Variants in MRPS24 observed in about 807,000 individuals in gnomAD.
MRPS24 encodes the protein small ribosomal subunit protein uS3m.
A neutral mutation model predicts 21.8 loss-of-function variants in MRPS24; 15 were observed. The ratio of observed to expected loss-of-function variants is 0.69; its 90% CI spans 0.46 to 1.06. The LOEUF (loss-of-function observed/expected upper bound fraction) is 1.06, where lower values mean the gene tolerates loss of function less well. MRPS24 is among the 50% of genes least tolerant of loss of function. The probability of loss-of-function intolerance (pLI) is 0.00; values close to 1 mark genes in which losing one functional copy is unlikely to be tolerated. For synonymous variants in MRPS24, 93 were observed against 93.7 expected, an observed-to-expected ratio of 0.99 and a Z score of 0.04; for missense variants, 224 against 219.1, an observed-to-expected ratio of 1.02 and a Z score of -0.14.
rs767937808 is a variant in MRPS24, at chr7:43,869,053, C to A, written c.130G>T (p.Val44Leu). The A allele has an allele frequency of 1.2e-6, 2 of 1,613,302 alleles. No homozygotes were observed. Among genetic ancestry groups the A allele is most frequent in the South Asian group, 1.1e-5 (1 of 91,080 alleles). Residue 44 changes from valine (V) to leucine (L), a missense_variant, in exon 3 of 4, where the codon GTA (valine) becomes TTA (leucine). By Grantham distance (32) the Val-to-Leu change is conservative (BLOSUM62 1). Coordinates refer to ENST00000317534, the MANE Select transcript of MRPS24 (RefSeq NM_032014.3). This position sits in a 1 kb window ranked among gnomAD's most constrained non-coding sequence, Gnocchi z 4.8. ...CAKNRAARVRVSKGDKPVTYE... is the reference protein window; with the variant it reads ...CAKNRAARVRLSKGDKPVTYE... ...GTCACCGGCTTGTCCCCCTTGCTTACGCGTACTCGGGCCGCCCGGTTCTAG... is the reference window on the plus strand; with the variant it reads ...GTCACCGGCTTGTCCCCCTTGCTTAAGCGTACTCGGGCCGCCCGGTTCTAG...
chr7:43,868,831 C>T, intron 3 of MRPS24, 132 bp downstream of exon 3: 2 of 1,152,804 alleles, frequency 1.7e-6, no homozygotes, highest in South Asian at 1.6e-5. Context: ...TTTATGTCTC[C>T]CTTGAGTTGG....
chr7:43,866,828 C>T lies in MRPS24; in HGVS notation c.375G>A (p.Arg125=), dbSNP rs754946402. 11 of 1,614,136 alleles carry T rather than the reference C, an allele frequency of 6.8e-6. No homozygotes were observed. The East Asian group carries it at 1.8e-4, about 26-fold the overall frequency. The change falls in exon 4 of 4, where the codon AGG becomes AGA. Residue 125 remains arginine, a synonymous_variant. Transcript: ENST00000317534. ...AGTAGTACTTGTGTGGAGACAACTG[C>T]CTCAGGACCACGGCACAGATCTCCA... ...NQLEICAVVL[R]QLSPHKYYFL... is the part of the protein sequence containing the mutation.
In MRPS24 at chr7:43,869,113, A is replaced by G. The variant is rs943451213; in HGVS notation, c.109-39T>C. 1.0e-5 allele frequency: 16 copies of G among 1,594,642 alleles called. No individual in the cohort carries two copies. Among genetic ancestry groups the G allele is most frequent in the Non-Finnish European group, 1.4e-5 (16 of 1,174,152 alleles). Reference sequence around the variant, plus strand: ...GGGCCGTGACTCCACGAGATCCCCGATCCAGACCCCTACTTCGCGCCATGT... The same window carrying G: ...GGGCCGTGACTCCACGAGATCCCCGGTCCAGACCCCTACTTCGCGCCATGT... On this transcript the variant is annotated intron_variant, in intron 2 of 3. Coordinates refer to ENST00000317534, the MANE Select transcript of MRPS24 (RefSeq NM_032014.3). This position sits in a 1 kb window ranked among gnomAD's most constrained non-coding sequence, Gnocchi z 4.8.
In MRPS24 at chr7:43,866,894, G is replaced by A; in HGVS notation, c.309C>T (p.Cys103=). 5.0e-6 allele frequency: 8 copies of A among 1,614,190 alleles called. No individual in the cohort carries two copies. The highest frequency in any genetic ancestry group is 6.8e-6 in the Non-Finnish European group (8 of 1,180,036). Residue 103 remains cysteine, a synonymous_variant, in exon 4 of 4, where the codon TGC becomes TGT. Transcript: ENST00000317534. ...GCTTTAAAACCAGCTGGTCAGCCAG[G>A]CAGCCTGGGAAGGTACCCCACATGA... is the stretch of plus-strand genomic sequence containing the variant. ...RKFMWGTFPG[C]LADQLVLKRR...
At chr7:43,868,877 G>A in intron 3 of MRPS24, 86 bp downstream of exon 3, 1 of 1,502,116 alleles carries the variant, frequency 6.7e-7, no homozygotes, top group Non-Finnish European at 9.0e-7. Flanking sequence ...TATTTCCTGA[G>A]TTAAAGAAAA....
intron 3 of MRPS24, 56 bp from the exon 4 acceptor site, chr7:43,867,038 A>C: frequency 6.3e-7 from 1 of 1,575,038 alleles, no homozygotes; most frequent in Non-Finnish European, 8.7e-7. Flanking sequence ...GGGCCCTGCC[A>C]TAACTCCAGA....
At chr7:43,867,084 T>G in intron 3 of MRPS24, 102 bp from the exon 4 acceptor site, 2 of 1,199,500 alleles carry the variant, frequency 1.7e-6, no homozygotes. Context: ...AATCCCACCC[T>G]TCACCCCCAG....
chr7:43,867,029 G>A, intron 3 of MRPS24, 47 bp from the exon 4 acceptor site: 2 of 1,588,716 alleles, frequency 1.3e-6, no homozygotes, highest in Non-Finnish European at 1.7e-6. Flanking sequence ...ATTGCCCCAG[G>A]GCCCTGCCAT....
rs375621325 is a variant in MRPS24 at position 43,869,446 on chromosome 7, G to T, written c.39+11C>A. 1.8e-4 allele frequency: 280 copies of T among 1,560,248 alleles called. 1 individual carries two copies. In the African/African-American group the frequency reaches 3.4e-3, roughly 19 times the overall value. On this transcript the variant is annotated intron_variant, in intron 1 of 3. Coordinates refer to ENST00000317534, the MANE Select transcript of MRPS24 (RefSeq NM_032014.3). The surrounding 1 kb of genome is among the most constrained non-coding windows in gnomAD (Gnocchi z 4.8). ...CCGACTCGCAGGGACCTGCCGAGTC[G>T]CCCCACTCACCCGTGGCCCCAGCAA...
Position 43,869,173 on chromosome 7 carries a change from A to G in MRPS24, c.109-99T>C, listed in dbSNP as rs2095838793. 6.1e-6 allele frequency: 9 copies of G among 1,482,088 alleles called. No homozygotes were observed. In the South Asian group the frequency reaches 1.1e-4, roughly 17 times the overall value. 91.8% of individuals were successfully genotyped at this position (1,482,088 alleles called of 1,614,324 possible). A position where few individuals can be genotyped will look rare whatever the true frequency, so the allele number is the denominator to read the frequency against. ...CAGCTGGCACTGTTCCCCGGCCCCAATCCCCTGATCCCTAAGCCCCGACCC... is the reference window on the plus strand; with the variant it reads ...CAGCTGGCACTGTTCCCCGGCCCCAGTCCCCTGATCCCTAAGCCCCGACCC... On this transcript the variant is annotated intron_variant, in intron 2 of 3. Transcript: ENST00000317534. This position sits in a 1 kb window ranked among gnomAD's most constrained non-coding sequence, Gnocchi z 4.8.
In MRPS24 at chr7:43,866,581, T is replaced by C. The variant is rs563743876; in HGVS notation, c.*118A>G. The C allele has an allele frequency of 1.1e-5, 13 of 1,143,482 alleles. No homozygotes were observed. Among genetic ancestry groups the C allele is most frequent in the East Asian group, 4.7e-5 (2 of 42,264 alleles). 70.8% of individuals were successfully genotyped at this position (1,143,482 alleles called of 1,614,324 possible). A position where few individuals can be genotyped will look rare whatever the true frequency, so the allele number is the denominator to read the frequency against. On this transcript the variant is annotated 3_prime_UTR_variant, in exon 4 of 4. Transcript: ENST00000317534. ...GACAAGATAGAAGGTCTTTATTCAA[T>C]AGCAGATGAGAGACTATGCCTCAGT...
In MRPS24 at chr7:43,866,667, G is replaced by A; in HGVS notation, c.*32C>T. The A allele has an allele frequency of 6.2e-7, 1 of 1,607,268 alleles. No individual in the cohort carries two copies. Among genetic ancestry groups the A allele is most frequent in the Non-Finnish European group, 8.5e-7 (1 of 1,174,776 alleles). ...CTTTCCCACGTTTCCATTCTCTGCAGGCTACAGCTTGATGGAAAAAAGGGG... is the reference window on the plus strand; with the variant it reads ...CTTTCCCACGTTTCCATTCTCTGCAAGCTACAGCTTGATGGAAAAAAGGGG... On this transcript the variant is annotated 3_prime_UTR_variant, in exon 4 of 4. Coordinates refer to ENST00000317534, the MANE Select transcript of MRPS24 (RefSeq NM_032014.3).
rs894995459 is a variant in MRPS24 at position 43,869,254 on chromosome 7, G to GCCCCCGGC, written c.108+46_108+53dup. The GCCCCCGGC allele has an allele frequency of 1.3e-4, 185 of 1,474,988 alleles. 1 individual carries two copies. The highest frequency in any genetic ancestry group is 4.2e-4 in the South Asian group (32 of 76,006). The allele number at this position is 1,474,988 out of a possible 1,614,324, so 91.4% of individuals were successfully genotyped here. A position where few individuals can be genotyped will look rare whatever the true frequency, so the allele number is the denominator to read the frequency against. ...CCCTTCAGCCCGCACGGCTTCCCCG[G>GCCCCCGGC]CCCCCGGCCCCCCGGCCCCCAGGCC... On this transcript the variant is annotated intron_variant, in intron 2 of 3. Coordinates refer to ENST00000317534, the MANE Select transcript of MRPS24 (RefSeq NM_032014.3). This position sits in a 1 kb window ranked among gnomAD's most constrained non-coding sequence, Gnocchi z 4.8.
rs770870864 is a variant in MRPS24 at position 43,869,408 on chromosome 7, A to G, written c.40-32T>C. 1.6e-5 allele frequency: 25 copies of G among 1,550,944 alleles called. No homozygotes were observed. In the South Asian group the frequency reaches 3.0e-4, roughly 18 times the overall value. Reference sequence around the variant, plus strand: ...AGGGAGGGCGCGTGAGGCGGAAACTAGGGACCCCACCTCCGACTCGCAGGG... The same window carrying G: ...AGGGAGGGCGCGTGAGGCGGAAACTGGGGACCCCACCTCCGACTCGCAGGG... On this transcript the variant is annotated intron_variant, in intron 1 of 3. Transcript: ENST00000317534. The surrounding 1 kb of genome is among the most constrained non-coding windows in gnomAD (Gnocchi z 4.8).
intron 3 of MRPS24, chr7:43,868,175 A>G (rs1355180181): frequency 6.6e-6 from 1 of 152,212 alleles, no homozygotes; most frequent in Non-Finnish European, 1.5e-5. Context: ...TAATACATGT[A>G]TGTTCTCCCT....
chr7:43,866,608 C>T lies in MRPS24; in HGVS notation c.*91G>A, dbSNP rs2095836496. 1.4e-6 allele frequency: 2 copies of T among 1,394,378 alleles called. No individual in the cohort carries two copies. The highest frequency in any genetic ancestry group is 1.4e-5 in the African/African-American group (1 of 70,614). The allele number at this position is 1,394,378 out of a possible 1,614,324, so 86.4% of individuals were successfully genotyped here. Reference sequence around the variant, plus strand: ...GCAGATGAGAGACTATGCCTCAGTCCTCTGAGGGGATGCATTTCCCCCACA... The same window carrying T: ...GCAGATGAGAGACTATGCCTCAGTCTTCTGAGGGGATGCATTTCCCCCACA... On this transcript the variant is annotated 3_prime_UTR_variant, in exon 4 of 4. Coordinates refer to ENST00000317534, the MANE Select transcript of MRPS24 (RefSeq NM_032014.3).
At position 43,866,995 on chromosome 7, in the gene MRPS24, G is replaced by A. The variant is rs2095836940; in HGVS notation, c.221-13C>T. 1 of 1,611,894 alleles carries A rather than the reference G, an allele frequency of 6.2e-7. No individual in the cohort carries two copies. Among genetic ancestry groups the A allele is most frequent in the African/African-American group, 1.3e-5 (1 of 74,904 alleles). On this transcript the variant is annotated splice_polypyrimidine_tract_variant and intron_variant, in intron 3 of 3. Transcript: ENST00000317534. Reference sequence around the variant, plus strand: ...CCATCCAGGTTACCTGAAGAGGGAAGGGCATAATAGAAGAATCAGCCTCAT... The same window carrying A: ...CCATCCAGGTTACCTGAAGAGGGAAAGGCATAATAGAAGAATCAGCCTCAT...
intron 3 of MRPS24, chr7:43,868,385 T>C (rs757398094): frequency 6.6e-6 from 1 of 152,232 alleles, no homozygotes; most frequent in African/African-American, 2.4e-5. Context: ...GCTCGGGACA[T>C]GCACCTGGGG....
At position 43,869,267 on chromosome 7, in the gene MRPS24, C is replaced by T. The variant is rs2730608; in HGVS notation, c.108+41G>A. 0.48 allele frequency: 706,293 copies of T among 1,459,810 alleles called. 169,055 individuals are homozygous for T. The highest frequency in any genetic ancestry group is 0.62 in the South Asian group (46,804 of 75,204). The allele number at this position is 1,459,810 out of a possible 1,614,324, so 90.4% of individuals were successfully genotyped here. ...ACGGCTTCCCCGGCCCCCGGCCCCCCGGCCCCCAGGCCCCCAGGCCCCTGC... is the reference window on the plus strand; with the variant it reads ...ACGGCTTCCCCGGCCCCCGGCCCCCTGGCCCCCAGGCCCCCAGGCCCCTGC... On this transcript the variant is annotated intron_variant, in intron 2 of 3. Transcript: ENST00000317534. The surrounding 1 kb of genome is among the most constrained non-coding windows in gnomAD (Gnocchi z 4.8).
Sources: gnomAD v4.1 joint callset for allele counts on GRCh38, gnomAD v4.1.1 for gene constraint, Gnocchi (gnomAD v3.1) non-coding constraint, MANE v1.5 for transcripts, NCBI Gene and HGNC (gene_info 2026-07-23, HGNC 2026-07-21) for gene names.